Variants in ZC3H11A observed in about 807,000 individuals in gnomAD.
ZC3H11A encodes the protein zinc finger CCCH domain-containing protein 11A.
ZC3H11A carries 22 observed loss-of-function variants against 90.8 expected under a neutral mutation model. The ratio of observed to expected loss-of-function variants is 0.24; its 90% confidence interval spans 0.17 to 0.35. The LOEUF is 0.35. Among genes scored for constraint, ZC3H11A ranks in the 10% least tolerant of loss-of-function variants. ZC3H11A has a pLI of 1.00. For missense variants in ZC3H11A, 701 were observed against 964.9 expected, an observed-to-expected ratio of 0.73 and a Z score of 3.62; for synonymous variants, 294 against 339.8, an observed-to-expected ratio of 0.87 and a Z score of 1.48.
At chr1:203,819,525 T>G (rs1421239322) in intron 4 of ZC3H11A, among the ~76,000 whole-genome samples, 1 of 120,592 alleles carries the variant, frequency 8.3e-6, no homozygotes, top group African/African-American at 3.2e-5. Flanking sequence ...CCCAGCTGAC[T>G]CCAATTTTTT....
At chr1:203,838,176 T>C in intron 11 of ZC3H11A, 112 bp downstream of exon 11, 1 of 951,254 alleles carries the variant, frequency 1.1e-6, no homozygotes, top group Non-Finnish European at 1.6e-6. Context: ...GGTTATCTTG[T>C]ATTTGTTATA....
intron 10 of ZC3H11A, 135 bp from the exon 11 acceptor site, chr1:203,837,831 A>T: frequency 1.3e-6 from 1 of 777,196 alleles, no homozygotes; most frequent in East Asian, 2.7e-5. Flanking sequence ...AACTCTAAGG[A>T]AGCTGGTGAA....
chr1:203,841,354 ACT>A (rs1234919183), intron 12 of ZC3H11A, among the ~76,000 whole-genome samples: 1 of 151,724 alleles, frequency 6.6e-6, no homozygotes, highest in Non-Finnish European at 1.5e-5. Context: ...AGTGGTGATG[ACT>A]CTTAACGAGC....
At chr1:203,799,490 A>G (rs1571877939) in intron 1 of ZC3H11A, 2 of 703,050 alleles carry the variant, frequency 2.8e-6, no homozygotes, top group East Asian at 2.7e-5. Context: ...ATATGTTAAA[A>G]TGGCTCTTGG....
chr1:203,807,364 C>G (rs1418639479), intron 2 of ZC3H11A, among the ~76,000 whole-genome samples: 1 of 152,176 alleles, frequency 6.6e-6, no homozygotes, highest in African/African-American at 2.4e-5. Flanking sequence ...TAGCTCAGTG[C>G]AACCTCAAAC....
At chr1:203,840,278 T>G in intron 11 of ZC3H11A, 28 bp from the exon 12 acceptor site, 1 of 1,609,898 alleles carries the variant, frequency 6.2e-7, no homozygotes. Flanking sequence ...GTTCAACTTT[T>G]GATTTTTGAA....
At chr1:203,811,858 C>T (rs553883839) in intron 2 of ZC3H11A, among the ~76,000 whole-genome samples, 1 of 151,304 alleles carries the variant, frequency 6.6e-6, no homozygotes, top group Non-Finnish European at 1.5e-5. Flanking sequence ...CACTGTCACC[C>T]AGGCTGGAGT....
At chr1:203,847,808 C>T in intron 13 of ZC3H11A, 121 bp downstream of exon 13, 1 of 1,410,680 alleles carries the variant, frequency 7.1e-7, no homozygotes, top group Non-Finnish European at 9.5e-7. Context: ...GTTGAAAACA[C>T]TGAATTAAAT....
In ZC3H11A at chr1:203,852,997, G is replaced by A. The variant is rs1216874957; in HGVS notation, c.*598G>A. On this transcript the variant is annotated 3_prime_UTR_variant, in exon 18 of 18. Coordinates refer to ENST00000367210, the MANE Select transcript of ZC3H11A (RefSeq NM_001376342.1). ...CTTTGGACCTGATCTTGATGCTTCT[G>A]CTGCTCTGTTAGCCTCTGAAGAGCA... 2 of 153,144 alleles carry A rather than the reference G, an allele frequency of 1.3e-5. No homozygotes were observed. The highest frequency in any genetic ancestry group is 4.8e-5 in the African/African-American group (2 of 41,420). 9.5% of individuals were successfully genotyped at this position (153,144 alleles called of 1,614,324 possible).
Position 203,829,659 on chromosome 1 carries a change from G to A in ZC3H11A, c.502+5G>A, listed in dbSNP as rs1329245675. On this transcript the variant is annotated splice_donor_5th_base_variant and intron_variant, in intron 6 of 17. Coordinates refer to ENST00000367210, the MANE Select transcript of ZC3H11A (RefSeq NM_001376342.1). Reference sequence around the variant, plus strand: ...ATGATGATGAAGATGATGATGGTAAGTTCTGTCTGGCTCCTTCTTTAAGGC... The same window carrying A: ...ATGATGATGAAGATGATGATGGTAAATTCTGTCTGGCTCCTTCTTTAAGGC... 6.2e-7 allele frequency: 1 copy of A among 1,614,220 alleles called. No homozygotes were observed. The highest frequency in any genetic ancestry group is 1.7e-5 in the Admixed American group (1 of 60,028).
chr1:203,843,977 C>T (rs1027813784), intron 12 of ZC3H11A, among the ~76,000 whole-genome samples: 3 of 151,938 alleles, frequency 2.0e-5, no homozygotes, highest in African/African-American at 7.3e-5. Context: ...CCTGCCTCAC[C>T]CTTCCGAGTA....
intron 2 of ZC3H11A, among the ~76,000 whole-genome samples, chr1:203,808,602 A>C (rs1031095791): frequency 3.3e-5 from 5 of 152,182 alleles, no homozygotes; most frequent in Admixed American, 2.6e-4. Flanking sequence ...TTCATTTCAT[A>C]TACAATTTCC....
At chr1:203,796,026 C>A in intron 1 of ZC3H11A, 1 of 145,766 alleles carries the variant, frequency 6.9e-6, no homozygotes, top group Non-Finnish European at 1.5e-5. Context: ...CCCATCCTCC[C>A]CACCCCCACC....
At chr1:203,820,603 G>A (rs1678285117) in intron 4 of ZC3H11A, among the ~76,000 whole-genome samples, 1 of 151,846 alleles carries the variant, frequency 6.6e-6, no homozygotes, top group African/African-American at 2.4e-5. Flanking sequence ...TCAACCTCTC[G>A]AGTAGCTGGG....
chr1:203,796,790 C>T (rs1456222274), intron 1 of ZC3H11A: 2 of 227,340 alleles, frequency 8.8e-6, no homozygotes, highest in Non-Finnish European at 1.7e-5. Flanking sequence ...ACAAACAGTA[C>T]TTTGAAAATG....
chr1:203,816,243 A>G (rs903921656), intron 2 of ZC3H11A, among the ~76,000 whole-genome samples: 1 of 152,208 alleles, frequency 6.6e-6, no homozygotes, highest in Admixed American at 6.6e-5. Context: ...CCTAAGTCCC[A>G]TTAATAATCT....
At chr1:203,821,332 TC>T (rs1678619892) in intron 4 of ZC3H11A, among the ~76,000 whole-genome samples, 1 of 152,140 alleles carries the variant, frequency 6.6e-6, no homozygotes, top group Non-Finnish European at 1.5e-5. Flanking sequence ...TAAATAAATT[TC>T]CCAGTCTCAG....
chr1:203,813,200 T>G (rs1437348247), intron 2 of ZC3H11A, among the ~76,000 whole-genome samples: 1 of 151,302 alleles, frequency 6.6e-6, no homozygotes, highest in Non-Finnish European at 1.5e-5. Flanking sequence ...AATGTTTTTT[T>G]GTTTTTTGTT....
intron 1 of ZC3H11A, chr1:203,799,632 G>A (rs768256437): frequency 1.8e-5 from 13 of 703,240 alleles, no homozygotes; most frequent in South Asian, 3.0e-5. Flanking sequence ...GAAAGTGAGC[G>A]TGAAGACCGC....
Sources: gnomAD v4.1 joint callset for allele counts (sites outside exome capture counted in the v4.1 genomes callset) on GRCh38, gnomAD v4.1.1 for gene constraint, MANE v1.5 for transcripts, NCBI Gene and HGNC (gene_info 2026-07-23, HGNC 2026-07-21) for gene names.